TTBK1: variants seen among roughly 807,000 people sequenced by gnomAD.
TTBK1 encodes the protein tau tubulin kinase 1.
TTBK1 carries 34 observed loss-of-function variants against 108.5 expected under a neutral mutation model. That is an observed-to-expected ratio of 0.31 (90% confidence interval 0.24 to 0.42). The LOEUF (loss-of-function observed/expected upper bound fraction) is 0.42. Ranked by LOEUF, TTBK1 falls within the 10% of genes least tolerant of loss-of-function variation. The pLI is 1.00. For missense variants in TTBK1, 1,539 were observed against 1,826.0 expected (o/e 0.84, Z 2.86); for synonymous variants, 809 against 795.1 (o/e 1.02, Z -0.29).
chr6:43,281,777 C>T (rs1381580674), intron 13 of TTBK1, among the ~76,000 whole-genome samples: 2 of 152,178 alleles, frequency 1.3e-5, no homozygotes, highest in African/African-American at 4.8e-5. Flanking sequence ...AGCACCGTCC[C>T]ACCATGGAAC....
chr6:43,255,130 C>A lies in TTBK1; in HGVS notation c.642+16C>A. 1 of 1,341,024 alleles carries A rather than the reference C, an allele frequency of 7.5e-7. No homozygotes were observed. Among genetic ancestry groups the A allele is most frequent in the Non-Finnish European group, 9.8e-7 (1 of 1,016,248 alleles). 83.1% of individuals were successfully genotyped at this position (1,341,024 alleles called of 1,614,324 possible). ...CAAGAACCGGGTGAGTGGCAAAGCC[C>A]GGGATGCAGGATGTGGAGGTGGGAG... is the stretch of plus-strand genomic sequence containing the variant. On this transcript the variant is annotated intron_variant, in intron 7 of 14. Transcript: ENST00000259750.
At position 43,269,801 on chromosome 6, in the gene TTBK1, C is replaced by A. The variant is rs1013567519; in HGVS notation, c.1986+6451C>A. On this transcript the variant is annotated intron_variant, in intron 13 of 14. Transcript: ENST00000259750. This position sits in a 1 kb window ranked among gnomAD's most constrained non-coding sequence, Gnocchi z 4.8. ...GCTCCTCCGGTTCCCTCATTCAGCG[C>A]AGCCGCTCGGCTGAGAGCAGCCCTG... The A allele has an allele frequency of 6.4e-7, 1 of 1,554,936 alleles. No homozygotes were observed. The highest frequency in any genetic ancestry group is 1.4e-5 in the African/African-American group (1 of 73,660).
chr6:43,248,515 G>A (rs1300298104), intron 2 of TTBK1, among the ~76,000 whole-genome samples: 6 of 152,160 alleles, frequency 3.9e-5, no homozygotes, highest in African/African-American at 7.2e-5. Context: ...TTGGGGTCAC[G>A]AGTTCGAGAC....
intron 7 of TTBK1, 34 bp from the exon 8 acceptor site, chr6:43,255,518 A>T (rs1421483644): frequency 6.5e-7 from 1 of 1,547,938 alleles, no homozygotes; most frequent in East Asian, 2.4e-5. Flanking sequence ...GAAGGACCTG[A>T]GAGCTGCAGG....
At chr6:43,271,294 G>A (rs1424339239) in intron 13 of TTBK1, 5 of 985,308 alleles carry the variant, frequency 5.1e-6, no homozygotes, top group South Asian at 4.7e-5. Context: ...GTGTGCTTAC[G>A]AATGAGCGTT....
intron 13 of TTBK1, chr6:43,270,128 CAG>C: frequency 7.3e-7 from 1 of 1,373,520 alleles, no homozygotes; most frequent in South Asian, 1.8e-5. Context: ...CCACCCCAAG[CAG>C]AGTCTCCGTC....
At position 43,285,703 on chromosome 6, in the gene TTBK1, C is replaced by CGAGT. The variant is rs1475987869; in HGVS notation, c.*330_*331insTGAG. Reference sequence around the variant, plus strand: ...CGGGGAAGGCTCAGCCACTTTTCATCGAGGACTCCACTTCTGGGGACGCCT... The same window carrying CGAGT: ...CGGGGAAGGCTCAGCCACTTTTCATCGAGTGAGGACTCCACTTCTGGGGACGCCT... On this transcript the variant is annotated 3_prime_UTR_variant, in exon 15 of 15. Transcript: ENST00000259750. The surrounding 1 kb of genome is among the most constrained non-coding windows in gnomAD (Gnocchi z 4.7). The CGAGT allele has an allele frequency of 4.8e-6, 1 of 206,976 alleles. No individual in the cohort carries two copies. The highest frequency in any genetic ancestry group is 9.6e-6 in the Non-Finnish European group (1 of 104,054). 12.8% of individuals were successfully genotyped at this position (206,976 alleles called of 1,614,324 possible).
At position 43,263,255 on chromosome 6, in the gene TTBK1, C is replaced by A. The variant is rs866442198; in HGVS notation, c.1891C>A (p.Gln631Lys). 6.5e-7 allele frequency: 1 copy of A among 1,549,154 alleles called. No individual in the cohort carries two copies. Among genetic ancestry groups the A allele is most frequent in the Non-Finnish European group, 8.7e-7 (1 of 1,145,920 alleles). The stretch of plus-strand genomic sequence containing the variant: ...GGGCGATGGCCGTTCCGAGACGTCA[C>A]AGCCCCCCACGCCTGGCAGCCCTTC... ...SQGDGRSETSQPPTPGSPSHS... is the reference protein window; with the variant it reads ...SQGDGRSETSKPPTPGSPSHS... The change falls in exon 13 of 15, where the codon CAG becomes AAG. Residue 631 changes from glutamine (Q) to lysine (K), a missense_variant. Gln to Lys is a moderately conservative substitution (Grantham distance 53). Coordinates refer to ENST00000259750, the MANE Select transcript of TTBK1 (RefSeq NM_032538.3). The surrounding 1 kb of genome is among the most constrained non-coding windows in gnomAD (Gnocchi z 4.7).
chr6:43,247,239 C>T (rs567892173), intron 2 of TTBK1, among the ~76,000 whole-genome samples: 2 of 152,274 alleles, frequency 1.3e-5, no homozygotes, highest in South Asian at 4.1e-4. Context: ...TCTTCTCCAT[C>T]CAGCCTCCTC....
chr6:43,269,877 C>T lies in TTBK1; in HGVS notation c.1986+6527C>T, dbSNP rs1398471094. The T allele has an allele frequency of 2.0e-6, 3 of 1,527,454 alleles. No homozygotes were observed. The highest frequency in any genetic ancestry group is 2.6e-6 in the Non-Finnish European group (3 of 1,141,810). 94.6% of individuals were successfully genotyped at this position (1,527,454 alleles called of 1,614,324 possible). On this transcript the variant is annotated intron_variant, in intron 13 of 14. Coordinates refer to ENST00000259750, the MANE Select transcript of TTBK1 (RefSeq NM_032538.3). The surrounding 1 kb of genome is among the most constrained non-coding windows in gnomAD (Gnocchi z 4.8). The stretch of plus-strand genomic sequence containing the variant: ...GCCCCTCGCTGCTGGCAACCACAGA[C>T]TCATGCCCTCGGTGCTCCGCATCTC...
In TTBK1 at chr6:43,283,583, C is replaced by A. The variant is rs750388287; in HGVS notation, c.2843C>A (p.Ala948Asp). ...AACGTCATGTCTTCCGGTGGACAAG[C>A]CTTGCGGTCTGAGGAGTTCAGCGCT... is the stretch of plus-strand genomic sequence containing the variant. ...HLNVMSSGGQ[A>D]LRSEEFSAGG... is the part of the protein sequence containing the mutation. The change falls in exon 14 of 15, where the codon GCC (alanine) becomes GAC (aspartate). Residue 948 changes from alanine to aspartate, a missense_variant. This residue lies in a region of TTBK1 where 1,055 missense variants were observed against 1,086.5 expected (regional missense o/e 0.97). Transcript: ENST00000259750. The surrounding 1 kb of genome is among the most constrained non-coding windows in gnomAD (Gnocchi z 8.1). 6.2e-7 allele frequency: 1 copy of A among 1,614,170 alleles called. No individual in the cohort carries two copies. Among genetic ancestry groups the A allele is most frequent in the Non-Finnish European group, 8.5e-7 (1 of 1,180,000 alleles).
At position 43,257,921 on chromosome 6, in the gene TTBK1, C is replaced by G. The variant is rs774577702; in HGVS notation, c.971C>G (p.Ser324Cys). The G allele has an allele frequency of 1.9e-6, 3 of 1,613,784 alleles. No homozygotes were observed. The highest frequency in any genetic ancestry group is 2.5e-6 in the Non-Finnish European group (3 of 1,179,992). Reference protein sequence around the residue: ...GTDALLSTSTSTPPQQNTRQT... With the variant: ...GTDALLSTSTCTPPQQNTRQT... ...GATGCCCTCCTGTCCACGAGCACCT[C>G]TACCCCGCCCCAGCAGAACACCCGG... Residue 324 changes from serine to cysteine, a missense_variant, in exon 10 of 15, where the codon TCT becomes TGT. Transcript: ENST00000259750. The surrounding 1 kb of genome is among the most constrained non-coding windows in gnomAD (Gnocchi z 4.5).
chr6:43,270,997 C>T, intron 13 of TTBK1: 2 of 985,440 alleles, frequency 2.0e-6, no homozygotes, highest in Non-Finnish European at 2.4e-6. Context: ...GATCTGGACA[C>T]TTGGGAGTGG....
chr6:43,280,313 T>C (rs1778121225), intron 13 of TTBK1, among the ~76,000 whole-genome samples: 2 of 152,102 alleles, frequency 1.3e-5, no homozygotes. Context: ...CTATTCCCCA[T>C]AGGTGTGGCA....
intron 13 of TTBK1, among the ~76,000 whole-genome samples, chr6:43,266,995 ATGCGTGTGTGTGTGTG>A (rs1434763933): frequency 3.3e-5 from 3 of 90,216 alleles, no homozygotes; most frequent in Admixed American, 1.1e-4. Context: ...AGCCTGGAGC[ATGCGTGTGTGTGTGTG>A]TGTGTGTGTG....
intron 14 of TTBK1, 56 bp from the exon 15 acceptor site, chr6:43,284,927 C>A (rs1297396670): frequency 1.4e-6 from 2 of 1,478,892 alleles, no homozygotes; most frequent in African/African-American, 2.9e-5. Flanking sequence ...TGAAATATTT[C>A]TCCTTGTTTT....
At chr6:43,255,880 C>T (rs778392533) in intron 9 of TTBK1, 24 bp downstream of exon 9, 11 of 1,613,860 alleles carry the variant, frequency 6.8e-6, no homozygotes, top group East Asian at 2.2e-5. Context: ...ACCCTGCCCC[C>T]GCTCCCTCGA....
rs753307783 is a variant in TTBK1 at position 43,283,918 on chromosome 6, C to T, written c.3178C>T (p.Leu1060Phe). Residue 1060 changes from leucine (L) to phenylalanine (F), a missense_variant, in exon 14 of 15, where the codon CTC becomes TTC. Physicochemically the swap from Leu to Phe is conservative, Grantham distance 22 (BLOSUM62 0). Transcript: ENST00000259750. The surrounding 1 kb of genome is among the most constrained non-coding windows in gnomAD (Gnocchi z 8.1). Reference protein sequence around the residue: ...SRPRSRIPVLLSEEDTGSEPS... With the variant: ...SRPRSRIPVLFSEEDTGSEPS... ...CCCCAGGAGCCGTATCCCTGTCCTG[C>T]TCTCTGAGGAGGACACGGGCTCGGA... is the stretch of plus-strand genomic sequence containing the variant. The T allele has an allele frequency of 1.2e-6, 2 of 1,613,092 alleles. No homozygotes were observed. Among genetic ancestry groups the T allele is most frequent in the South Asian group, 2.2e-5 (2 of 91,074 alleles).
chr6:43,279,086 C>T (rs930471366), intron 13 of TTBK1, among the ~76,000 whole-genome samples: 15 of 152,154 alleles, frequency 9.9e-5, no homozygotes, highest in African/African-American at 3.4e-4. Context: ...AAATCCATGC[C>T]CCTCTCTGTG....
Sources: allele counts gnomAD v4.1 joint callset (sites outside exome capture counted in the v4.1 genomes callset), GRCh38; gene constraint gnomAD v4.1.1; regional missense constraint gnomAD v4.1.1; non-coding constraint Gnocchi (gnomAD v3.1); transcripts MANE v1.5; gene names NCBI Gene and HGNC (gene_info 2026-07-23, HGNC 2026-07-21).